SMIM27: variants seen among roughly 807,000 people sequenced by gnomAD.
SMIM27 encodes TOPORS antisense RNA 1 (non-protein coding).
In SMIM27, 3 loss-of-function variants were observed where a neutral mutation model predicts 1.8. The observed-to-expected ratio is 1.65, with a 90% CI of 0.75 to 4.28. The LOEUF (loss-of-function observed/expected upper bound fraction) is 4.28. Ranked by LOEUF, SMIM27 falls within the 30% of genes most tolerant of loss-of-function variation. SMIM27 has a pLI of 0.02. For missense variants in SMIM27, 63 were observed against 37.0 expected (o/e 1.70, Z -1.83); for synonymous variants, 19 against 13.9 (o/e 1.37, Z -0.82).
At chr9:32,552,210 C>G, upstream of SMIM27, 29 of 521,770 alleles carry the variant, frequency 5.6e-5, no homozygotes, top group East Asian at 1.4e-4. Context: ...TTAACATTTT[C>G]TCGTTTATTC....
At chr9:32,566,481 C>T (rs979014417) in exon 2 of SMIM27, 11 of 794,184 alleles carry the variant, frequency 1.4e-5, no homozygotes, top group African/African-American at 5.1e-5. Flanking sequence ...CGAAGGGACC[C>T]TGGCAGGAGA....
chr9:32,566,268 T>C (rs1192283581), intron 1 of SMIM27: 4 of 1,130,920 alleles, frequency 3.5e-6, no homozygotes, highest in Non-Finnish European at 5.4e-6. Flanking sequence ...TAATTTTAGG[T>C]TCTCTGAGGT....
rs550295790 is a variant in SMIM27, at chr9:32,564,875, A to T, written c.46-1516A>T. Among the ~76,000 whole-genome samples, 31 of 152,364 alleles carry T rather than the reference A, an allele frequency of 2.0e-4. No individual in the cohort carries two copies. The South Asian group carries it at 5.4e-3, about 26-fold the overall frequency. ...TGCACTATGTAAATGTATCAAGTTG[A>T]ATCATGAAATTAACGATCGCTCACC... On this transcript the variant is annotated intron_variant, in intron 1 of 1. Transcript: ENST00000451672.
chr9:32,566,802 G>T, exon 2 of SMIM27: 2 of 892,754 alleles, frequency 2.2e-6, no homozygotes. Context: ...CAGGAGGTCG[G>T]CCAGCAGTCT....
chr9:32,566,554 C>T (rs988088311), exon 2 of SMIM27: 8 of 775,692 alleles, frequency 1.0e-5, no homozygotes, highest in African/African-American at 3.4e-5. Flanking sequence ...TAGCTGCCGT[C>T]GTACTGCACA....
chr9:32,564,443 C>T (rs1306798073), intron 1 of SMIM27, among the ~76,000 whole-genome samples: 2 of 151,904 alleles, frequency 1.3e-5, no homozygotes, highest in Admixed American at 1.3e-4. Context: ...TGCCATTTTT[C>T]TTTTTTCTGA....
downstream of SMIM27, among the ~76,000 whole-genome samples, chr9:32,557,498 T>C (rs1330424781): frequency 2.0e-5 from 3 of 150,768 alleles, no homozygotes; most frequent in Non-Finnish European, 2.9e-5. Context: ...CCTTTTTTTT[T>C]GAGATGGAGT....
intron 1 of SMIM27, 21 bp downstream of exon 1, chr9:32,552,500 G>T (rs776476617): frequency 2.5e-6 from 4 of 1,572,764 alleles, no homozygotes; most frequent in Middle Eastern, 2.2e-4. Flanking sequence ...GGGATCGCGG[G>T]CCCCCACCGT....
upstream of SMIM27, chr9:32,551,216 A>G (rs1328043146): frequency 1.2e-5 from 7 of 598,692 alleles, no homozygotes; most frequent in Admixed American, 1.5e-4. Flanking sequence ...GCCACTGGGG[A>G]CACTGACTGA....
upstream of SMIM27, chr9:32,551,622 A>C (rs1280122226): frequency 3.7e-6 from 1 of 268,338 alleles, no homozygotes; most frequent in African/African-American, 2.2e-5. Context: ...CTAGAGCCTA[A>C]GCGGCCCGTT....
At chr9:32,552,735 T>TA in intron 1 of SMIM27, 66 bp from the exon 2 acceptor site, 1 of 679,854 alleles carries the variant, frequency 1.5e-6, no homozygotes, top group South Asian at 1.5e-5. Flanking sequence ...ATGGCAACGG[T>TA]AACCTGACGG....
chr9:32,553,568 CCT>C (rs1821365273), downstream of SMIM27: 1 of 285,084 alleles, frequency 3.5e-6, no homozygotes, highest in East Asian at 9.8e-5. Flanking sequence ...TGTTGCATAC[CCT>C]GATACCAAAT....
intron 1 of SMIM27, among the ~76,000 whole-genome samples, chr9:32,558,675 C>T (rs981686523): frequency 6.6e-6 from 1 of 152,172 alleles, no homozygotes; most frequent in African/African-American, 2.4e-5. Flanking sequence ...ACACGTTTTA[C>T]AGCCAGGTTG....
At chr9:32,559,138 G>T (rs1821557588) in intron 1 of SMIM27, among the ~76,000 whole-genome samples, 1 of 152,052 alleles carries the variant, frequency 6.6e-6, no homozygotes, top group Admixed American at 6.5e-5. Context: ...ACTTAACCAG[G>T]TCCCACACTT....
chr9:32,551,660 T>G, upstream of SMIM27: 1 of 279,526 alleles, frequency 3.6e-6, no homozygotes, highest in South Asian at 2.8e-5. Context: ...AGGCCTCAAA[T>G]GTGAGCGCCC....
At chr9:32,558,920 C>T in intron 1 of SMIM27, 1 of 1,582,406 alleles carries the variant, frequency 6.3e-7, no homozygotes, top group Non-Finnish European at 8.7e-7. Flanking sequence ...AGGGAATATT[C>T]TGGACTTCTT....
chr9:32,564,141 T>C (rs1367696197), intron 1 of SMIM27, among the ~76,000 whole-genome samples: 1 of 152,224 alleles, frequency 6.6e-6, no homozygotes, highest in Non-Finnish European at 1.5e-5. Flanking sequence ...CAAACACGCA[T>C]GCACACATCC....
exon 2 of SMIM27, chr9:32,566,816 C>T (rs767510253): frequency 2.3e-6 from 2 of 879,810 alleles, no homozygotes; most frequent in East Asian, 2.7e-5. Flanking sequence ...GCAGTCTCTG[C>T]CTCTGTGGGG....
rs754225063 is a variant in SMIM27, at chr9:32,552,901, T to C, written c.146T>C (p.Phe49Ser). The stretch of plus-strand genomic sequence containing the variant: ...AGGAAGAAATACCCAGACAAAATCT[T>C]TGGGACGAATGAAAATTTGTAACTC... ...QLRKKYPDKIFGTNENL is the reference protein window; with the variant it reads ...QLRKKYPDKISGTNENL The change falls in exon 2 of 2, where the codon TTT becomes TCT. Residue 49 changes from phenylalanine to serine, a missense_variant. Transcript: ENST00000692500. 1 of 702,326 alleles carries C rather than the reference T, an allele frequency of 1.4e-6. No homozygotes were observed. The allele number at this position is 702,326 out of a possible 1,614,324, so 43.5% of individuals were successfully genotyped here. A position where few individuals can be genotyped will look rare whatever the true frequency, so the allele number is the denominator to read the frequency against.
Sources: gnomAD v4.1 joint callset for allele counts (sites outside exome capture counted in the v4.1 genomes callset) on GRCh38, gnomAD v4.1.1 for gene constraint, MANE v1.5 for transcripts, NCBI Gene and HGNC (gene_info 2026-07-23, HGNC 2026-07-21) for gene names.